PRSS23: variants seen among roughly 807,000 people sequenced by gnomAD.
PRSS23 encodes the protein serine protease 23.
PRSS23 carries 25 observed loss-of-function variants against 34.7 expected under a neutral mutation model. That is an observed-to-expected ratio of 0.72 (90% confidence interval 0.53 to 1.01). The LOEUF (loss-of-function observed/expected upper bound fraction) is 1.01. Ranked by LOEUF, PRSS23 falls within the 50% of genes least tolerant of loss-of-function variation. The pLI is 0.00. For missense variants in PRSS23, 445 were observed against 475.6 expected, an observed-to-expected ratio of 0.94 and a Z score of 0.60; for synonymous variants, 176 against 186.6, an observed-to-expected ratio of 0.94 and a Z score of 0.46.
At chr11:86,937,168 A>T (rs1949169869) in intron 2 of PRSS23, 1 of 152,188 alleles carries the variant, frequency 6.6e-6, no homozygotes, top group African/African-American at 2.4e-5. Flanking sequence ...AAAGATTGTC[A>T]TTTTGGTCAA....
chr11:86,800,792 T>C, intron 1 of PRSS23, 141 bp downstream of exon 1: 3 of 320,678 alleles, frequency 9.4e-6, no homozygotes, highest in Non-Finnish European at 1.4e-5. Flanking sequence ...GCCAGGGCAG[T>C]CCTCGGGGTT....
At chr11:86,860,898 C>A (rs1008328193) in intron 2 of PRSS23, among the ~76,000 whole-genome samples, 4 of 151,902 alleles carry the variant, frequency 2.6e-5, no homozygotes, top group Admixed American at 6.6e-5. Flanking sequence ...TGTACAGCCC[C>A]CCTGTGATAT....
At chr11:86,852,471 ATAT>A (rs1476981244) in intron 2 of PRSS23, among the ~76,000 whole-genome samples, 1 of 152,188 alleles carries the variant, frequency 6.6e-6, no homozygotes, top group African/African-American at 2.4e-5. Context: ...AAGCTTGTGT[ATAT>A]TATTCGCTTC....
intron 2 of PRSS23, among the ~76,000 whole-genome samples, chr11:86,836,097 T>C (rs1277717822): frequency 1.3e-5 from 2 of 152,180 alleles, no homozygotes; most frequent in South Asian, 4.1e-4. Flanking sequence ...TAAACCACTC[T>C]GCTTCCTCTG....
chr11:86,858,225 G>A (rs923238788), intron 2 of PRSS23, among the ~76,000 whole-genome samples: 8 of 151,738 alleles, frequency 5.3e-5, no homozygotes, highest in African/African-American at 1.9e-4. Context: ...TTAATATCTA[G>A]GTGTAGAGAG....
intron 2 of PRSS23, among the ~76,000 whole-genome samples, chr11:86,878,012 T>C (rs1948736438): frequency 6.6e-6 from 1 of 152,192 alleles, no homozygotes; most frequent in Non-Finnish European, 1.5e-5. Context: ...TATTTAAATT[T>C]CTTTAAATTT....
At position 86,925,332 on chromosome 11, in the gene PRSS23, C is replaced by T. The variant is rs562265026; in HGVS notation, c.207-25884C>T. Among the ~76,000 whole-genome samples, 551 of 142,032 alleles carry T rather than the reference C, an allele frequency of 3.9e-3. 1 individual carries two copies. Among genetic ancestry groups the T allele is most frequent in the Non-Finnish European group, 6.4e-3 (413 of 65,020 alleles). 93.2% of individuals were successfully genotyped at this position (142,032 alleles called of 152,430 possible). On this transcript the variant is annotated intron_variant, in intron 2 of 2. Transcript: ENST00000533902. ...TGTGTGTGTGTGTGTGTGTGTGTGT[C>T]GTTTACATTTATATGCATGCCCTAG...
At chr11:86,906,152 G>T (rs1205518146) in intron 2 of PRSS23, among the ~76,000 whole-genome samples, 1 of 152,216 alleles carries the variant, frequency 6.6e-6, no homozygotes, top group African/African-American at 2.4e-5. Flanking sequence ...GGCCTGGCGG[G>T]GCCGGGGGGC....
intron 2 of PRSS23, among the ~76,000 whole-genome samples, chr11:86,840,873 C>A (rs1948442175): frequency 1.8e-5 from 2 of 109,686 alleles, no homozygotes; most frequent in Admixed American, 1.9e-4. Context: ...GGGTAAATAG[C>A]AAAATGATGG....
At chr11:86,820,976 A>AT (rs1948247570) in intron 1 of PRSS23, among the ~76,000 whole-genome samples, 1 of 152,246 alleles carries the variant, frequency 6.6e-6, no homozygotes. Flanking sequence ...GCTTATGAAT[A>AT]ACTTAAAAAG....
intron 2 of PRSS23, chr11:86,857,826 G>A: frequency 1.5e-6 from 1 of 674,504 alleles, no homozygotes; most frequent in Admixed American, 1.9e-5. Context: ...ACAGGTTGGA[G>A]AGGAAGAAGT....
At chr11:86,833,520 A>G (rs1202433788) in intron 2 of PRSS23, 1 of 274,154 alleles carries the variant, frequency 3.6e-6, no homozygotes, top group Non-Finnish European at 7.1e-6. Flanking sequence ...TAGAGTGAAG[A>G]CAGAGCTCCC....
downstream of PRSS23, among the ~76,000 whole-genome samples, chr11:86,812,798 A>AG: frequency 6.6e-6 from 1 of 151,630 alleles, no homozygotes; most frequent in African/African-American, 2.4e-5. Context: ...AAAAAAAAAA[A>AG]AAAAAAGAAA....
At position 86,821,823 on chromosome 11, in the gene PRSS23, A is replaced by G. The variant is rs149647237; in HGVS notation, c.-11-1554A>G. On this transcript the variant is annotated intron_variant, in intron 1 of 2. Coordinates refer to the PRSS23 transcript ENST00000533902. ...CCCCCTCCGCCATGACCATAGTGTC[A>G]GCGTCTGGGCCTATTGGCTCGATTT... 4.5e-5 allele frequency: 30 copies of G among 661,364 alleles called. 1 individual carries two copies. In the Admixed American group the frequency reaches 6.3e-4, roughly 14 times the overall value. The allele number at this position is 661,364 out of a possible 1,614,324, so 41.0% of individuals were successfully genotyped here. A position where few individuals can be genotyped will look rare whatever the true frequency, so the allele number is the denominator to read the frequency against.
At chr11:86,841,532 C>T (rs1181821410) in intron 2 of PRSS23, among the ~76,000 whole-genome samples, 8 of 151,706 alleles carry the variant, frequency 5.3e-5, no homozygotes, top group South Asian at 4.2e-4. Context: ...CAACACAGAC[C>T]GCTAGCAAGA....
chr11:86,951,977 A>G, exon 3 of PRSS23: 2 of 1,613,954 alleles, frequency 1.2e-6, no homozygotes, highest in Non-Finnish European at 1.7e-6. Context: ...ATTATAGCAC[A>G]TACTGAGAAA....
intron 2 of PRSS23, among the ~76,000 whole-genome samples, chr11:86,914,142 C>T (rs967228993): frequency 7.3e-5 from 11 of 151,472 alleles, no homozygotes; most frequent in African/African-American, 7.3e-5. Context: ...AGGAGAATTG[C>T]TTGAACCCAG....
exon 3 of PRSS23, chr11:86,952,614 C>T (rs1191122274): frequency 3.6e-6 from 3 of 824,032 alleles, no homozygotes; most frequent in Non-Finnish European, 5.9e-6. Flanking sequence ...TGTCTGTTTA[C>T]TCTGACCTCA....
At chr11:86,833,557 G>T (rs917496008) in intron 2 of PRSS23, 5 of 239,982 alleles carry the variant, frequency 2.1e-5, no homozygotes, top group East Asian at 9.8e-5. Flanking sequence ...TCCATAGAGG[G>T]TAGCCATTGC....
Sources: gnomAD v4.1 joint callset for allele counts (sites outside exome capture counted in the v4.1 genomes callset) on GRCh38, gnomAD v4.1.1 for gene constraint, MANE v1.5 for transcripts, NCBI Gene and HGNC (gene_info 2026-07-23, HGNC 2026-07-21) for gene names.